Variants in RUVBL1 observed in about 807,000 individuals in gnomAD.
The protein encoded by RUVBL1 is RuvB like AAA ATPase 1, also known as ruvB-like 1.
A neutral mutation model predicts 52.4 loss-of-function variants in RUVBL1; 4 were observed. The ratio of observed to expected loss-of-function variants is 0.08; its 90% CI spans 0.04 to 0.17. The LOEUF (loss-of-function observed/expected upper bound fraction) is 0.17, where lower values mean the gene tolerates loss of function less well. RUVBL1 is among the 10% of genes least tolerant of loss of function. The pLI, the probability that RUVBL1 is intolerant of heterozygous loss-of-function variation, is 1.00. For synonymous variants in RUVBL1, 217 were observed against 214.4 expected, an observed-to-expected ratio of 1.01 and a Z score of -0.10; for missense variants, 298 against 572.8, an observed-to-expected ratio of 0.52 and a Z score of 4.90.
intron 8 of RUVBL1, among the ~76,000 whole-genome samples, chr3:128,090,257 C>T (rs777276591): frequency 1.3e-5 from 2 of 152,218 alleles, no homozygotes; most frequent in African/African-American, 2.4e-5. Flanking sequence ...ATCAGCCGGG[C>T]GCAGTGGCTC....
chr3:128,150,857 T>TA (rs1559841509), intron 1 of RUVBL1, among the ~76,000 whole-genome samples: 18 of 81,434 alleles, frequency 2.2e-4, no homozygotes, highest in South Asian at 3.9e-4. Context: ...ATTCTATATA[T>TA]TATATATTAT....
Position 128,123,608 on chromosome 3 carries a change from A to G in RUVBL1, c.117T>C (p.Leu39=). ...SGLAKQAASG[L]VGQENAREAC... ...CCTCTCGCGCGTTCTCCTGGCCCAC[A>G]AGCCCTGAGGCCGCCTGCTTGGCCA... Residue 39 remains leucine, a synonymous_variant, in exon 1 of 11, where the codon CTT becomes CTC. Transcript: ENST00000322623. 6.2e-7 allele frequency: 1 copy of G among 1,609,932 alleles called. No individual in the cohort carries two copies. The highest frequency in any genetic ancestry group is 8.5e-7 in the Non-Finnish European group (1 of 1,178,378).
upstream of RUVBL1, chr3:128,123,998 G>T: frequency 1.3e-6 from 1 of 780,024 alleles, no homozygotes; most frequent in Non-Finnish European, 1.6e-6. Flanking sequence ...CTGGGGTCGG[G>T]AGCACAGTGG....
Position 128,085,979 on chromosome 3 carries a change from C to T in RUVBL1, c.1119+1727G>A, listed in dbSNP as rs145235840. 2.7e-4 allele frequency among the ~76,000 whole-genome samples: 41 copies of T among 152,242 alleles called. 1 individual carries two copies. In the East Asian group the frequency reaches 7.9e-3, roughly 29 times the overall value. ...CACTGACTAATGTTATGAACTTGGG[C>T]GAATTAGTTACCCTAGGTCGCAGTG... On this transcript the variant is annotated intron_variant, in intron 9 of 10. Coordinates refer to ENST00000322623, the MANE Select transcript of RUVBL1 (RefSeq NM_003707.3).
chr3:128,102,011 C>T (rs1036416980), intron 4 of RUVBL1, among the ~76,000 whole-genome samples: 1 of 152,218 alleles, frequency 6.6e-6, no homozygotes, highest in South Asian at 2.1e-4. Flanking sequence ...GACGGGTGGG[C>T]CCAGCCCCCA....
At position 128,123,768 on chromosome 3, in the gene RUVBL1, C is replaced by T. The variant is rs758224179; in HGVS notation, c.-44G>A. ...TAAAACCAGCGTGGAAAACCAGCAG[C>T]TAGGACAGTGCGCCCGGCGCCTGAG... On this transcript the variant is annotated 5_prime_UTR_variant, in exon 1 of 11. The change abolishes the stop of an existing upstream ORF in the 5' untranslated region. Transcript: ENST00000322623. 3.9e-6 allele frequency: 6 copies of T among 1,551,806 alleles called. No homozygotes were observed. In the African/African-American group the frequency reaches 5.4e-5, roughly 14 times the overall value.
rs1943110281 is a variant in RUVBL1 at position 128,101,643 on chromosome 3, G to A, written c.519C>T (p.Asp173=). 6.2e-7 allele frequency: 1 copy of A among 1,613,340 alleles called. No individual in the cohort carries two copies. The highest frequency in any genetic ancestry group is 8.5e-7 in the Non-Finnish European group (1 of 1,179,952). ...TAKGTKQLKL[D]PSIFESLQKE... ...TCTGCAAACTTTCAAAAATGCTGGG[G>A]TCCAGCTAAAAAAAAAAATGTAAAT... The change falls in exon 5 of 11, where the codon GAC becomes GAT. Residue 173 remains aspartate, a synonymous_variant. Coordinates refer to ENST00000322623, the MANE Select transcript of RUVBL1 (RefSeq NM_003707.3).
chr3:128,101,198 A>G (rs1054267523), intron 5 of RUVBL1, among the ~76,000 whole-genome samples: 7 of 152,334 alleles, frequency 4.6e-5, no homozygotes, highest in Non-Finnish European at 8.8e-5. Flanking sequence ...CCACATGCAT[A>G]TATCTTGGGA....
rs1943007076 is a variant in RUVBL1, at chr3:128,097,337, C to T, written c.979G>A (p.Val327Ile). ...RALESSIAPI[V>I]IFASNRGNCV... ...TTGCCTCGGTTGGATGCAAAGATGACGATGGGAGCGATAGAAGACTCCAGG... is the reference window on the plus strand; with the variant it reads ...TTGCCTCGGTTGGATGCAAAGATGATGATGGGAGCGATAGAAGACTCCAGG... Residue 327 changes from valine to isoleucine, a missense_variant, in exon 8 of 11, where the codon GTC (valine) becomes ATC (isoleucine). By Grantham distance (29) the Val-to-Ile change is conservative. Transcript: ENST00000322623. The T allele has an allele frequency of 6.2e-7, 1 of 1,614,012 alleles. No individual in the cohort carries two copies.
intron 1 of RUVBL1, among the ~76,000 whole-genome samples, chr3:128,139,448 G>A (rs559577965): frequency 1.1e-4 from 16 of 152,272 alleles, no homozygotes; most frequent in Admixed American, 1.0e-3. Context: ...ATGAAAAGGT[G>A]CTCACCATCA....
At chr3:128,086,864 C>T (rs576240198) in intron 9 of RUVBL1, among the ~76,000 whole-genome samples, 60 of 152,356 alleles carry the variant, frequency 3.9e-4, no homozygotes, top group African/African-American at 1.2e-3. Context: ...ATAAAGCCCA[C>T]GCTCATACAT....
At position 128,101,560 on chromosome 3, in the gene RUVBL1, T is replaced by C. The variant is rs1168563895; in HGVS notation, c.602A>G (p.Lys201Arg). ...IYIEANSGAV[K>R]RQGRCDTYAT... Reference sequence around the variant, plus strand: ...GCTGTGTCCCAAGGAAGGCATTACCTTCACGGCCCCACTGTTGGCTTCAAT... The same window carrying C: ...GCTGTGTCCCAAGGAAGGCATTACCCTCACGGCCCCACTGTTGGCTTCAAT... The change falls in exon 5 of 11, where the codon AAG becomes AGG. Residue 201 changes from lysine to arginine, a missense_variant and splice_region_variant. Transcript: ENST00000322623. The C allele has an allele frequency of 6.2e-7, 1 of 1,613,822 alleles. No homozygotes were observed. Among genetic ancestry groups the C allele is most frequent in the Admixed American group, 1.7e-5 (1 of 60,008 alleles).
rs1942519414 is a variant in RUVBL1 at position 128,082,798 on chromosome 3, T to C, written c.1120-224A>G. On this transcript the variant is annotated intron_variant, in intron 9 of 10. Transcript: ENST00000322623. This position sits in a 1 kb window ranked among gnomAD's most constrained non-coding sequence, Gnocchi z 4.7. Reference sequence around the variant, plus strand: ...TATGCATGAATAGCATCACGGCCAGTGTGCTGTATTCAACTGACTCAAGTG... The same window carrying C: ...TATGCATGAATAGCATCACGGCCAGCGTGCTGTATTCAACTGACTCAAGTG... 2.2e-6 allele frequency: 1 copy of C among 452,394 alleles called. No individual in the cohort carries two copies. The highest frequency in any genetic ancestry group is 4.4e-5 in the East Asian group (1 of 22,622). 28.0% of individuals were successfully genotyped at this position (452,394 alleles called of 1,614,324 possible). A position where few individuals can be genotyped will look rare whatever the true frequency, so the allele number is the denominator to read the frequency against.
At chr3:128,150,858 T>A (rs1480146718) in intron 1 of RUVBL1, among the ~76,000 whole-genome samples, 1 of 73,882 alleles carries the variant, frequency 1.4e-5, no homozygotes, top group Admixed American at 2.4e-4. Context: ...TTCTATATAT[T>A]ATATATTATA....
upstream of RUVBL1, chr3:128,123,871 T>G: frequency 7.5e-7 from 1 of 1,337,650 alleles, no homozygotes; most frequent in Non-Finnish European, 9.6e-7. Flanking sequence ...CGGGAACACC[T>G]CCGCTCTCCA....
At chr3:128,147,393 A>G (rs1377286777) in intron 1 of RUVBL1, among the ~76,000 whole-genome samples, 1 of 152,144 alleles carries the variant, frequency 6.6e-6, no homozygotes, top group East Asian at 1.9e-4. Flanking sequence ...TTAAAAACAA[A>G]ACAAAACAGC....
At chr3:128,123,548 C>T (rs750648309) in intron 1 of RUVBL1, 36 bp downstream of exon 1, 1 of 1,533,144 alleles carries the variant, frequency 6.5e-7, no homozygotes, top group East Asian at 2.4e-5. Flanking sequence ...AGCAGCCCTG[C>T]TTGCAGCCCC....
chr3:128,130,044 A>T (rs1279553624), intron 1 of RUVBL1, among the ~76,000 whole-genome samples: 2 of 152,214 alleles, frequency 1.3e-5, no homozygotes, highest in South Asian at 2.1e-4. Flanking sequence ...AAAAATTTTT[A>T]AAAAGATTAA....
chr3:128,146,813 G>A (rs1576492618), intron 1 of RUVBL1, among the ~76,000 whole-genome samples: 1 of 151,952 alleles, frequency 6.6e-6, no homozygotes, highest in East Asian at 1.9e-4. Flanking sequence ...GTGTGTGTGT[G>A]CATGCATCTG....
Sources: allele counts gnomAD v4.1 joint callset (sites outside exome capture counted in the v4.1 genomes callset), GRCh38; gene constraint gnomAD v4.1.1; non-coding constraint Gnocchi (gnomAD v3.1); transcripts MANE v1.5; gene names NCBI Gene and HGNC (gene_info 2026-07-23, HGNC 2026-07-21).